The following SLC15A1 variants were observed in gnomAD, a reference collection of about 807,000 sequenced individuals.
SLC15A1 encodes the protein Caco-2 oligopeptide transporter.
SLC15A1 carries 83 observed loss-of-function variants against 92.9 expected under a neutral mutation model. The observed-to-expected ratio is 0.89, with a 90% CI of 0.75 to 1.07. SLC15A1 has a LOEUF of 1.07. Among genes scored for constraint, SLC15A1 ranks in the 50% least tolerant of loss-of-function variants. SLC15A1 has a pLI of 0.00. For synonymous variants in SLC15A1, 322 were observed against 318.2 expected, an observed-to-expected ratio of 1.01 and a Z score of -0.13; for missense variants, 857 against 880.1, an observed-to-expected ratio of 0.97 and a Z score of 0.33.
At chr13:98,691,460 T>C (rs2087976009) in intron 18 of SLC15A1, among the ~76,000 whole-genome samples, 1 of 152,242 alleles carries the variant, frequency 6.6e-6, no homozygotes, top group Non-Finnish European at 1.5e-5. Flanking sequence ...TGAACATGCA[T>C]GCACAAGTTT....
At chr13:98,710,585 G>A (rs1051170295) in intron 11 of SLC15A1, among the ~76,000 whole-genome samples, 1 of 152,004 alleles carries the variant, frequency 6.6e-6, no homozygotes, top group African/African-American at 2.4e-5. Flanking sequence ...GGAGGCCGAG[G>A]CGCGTGGATC....
rs780464938 is a variant in SLC15A1, at chr13:98,712,527, A to C, written c.781T>G (p.Trp261Gly). The change falls in exon 10 of 23, where the codon TGG becomes GGG. Residue 261 changes from tryptophan (W) to glycine (G), a missense_variant. Trp to Gly is a radical substitution (Grantham distance 184). Transcript: ENST00000376503. ...RSKAFPKREH[W>G]LDWAKEKYDE... ...TATTTCTCTTTAGCCCAGTCCAGCCAGTGCTCCCTCTTGGGAAATGCCTTA... is the reference window on the plus strand; with the variant it reads ...TATTTCTCTTTAGCCCAGTCCAGCCCGTGCTCCCTCTTGGGAAATGCCTTA... The C allele has an allele frequency of 3.7e-6, 6 of 1,611,896 alleles. No individual in the cohort carries two copies. In the Admixed American group the frequency reaches 6.7e-5, roughly 18 times the overall value.
chr13:98,709,822 AG>A, intron 12 of SLC15A1, 44 bp downstream of exon 12: 1 of 1,614,202 alleles, frequency 6.2e-7, no homozygotes, highest in East Asian at 2.2e-5. Context: ...ATGAAAGGGA[AG>A]AAGAAAGGGG....
At chr13:98,744,796 C>T (rs530698720) in intron 1 of SLC15A1, among the ~76,000 whole-genome samples, 31 of 149,396 alleles carry the variant, frequency 2.1e-4, no homozygotes, top group African/African-American at 7.4e-4. Flanking sequence ...ATTACTTTTG[C>T]ACCAACCTAA....
chr13:98,691,840 G>A (rs1047923170), intron 18 of SLC15A1, among the ~76,000 whole-genome samples: 1 of 152,066 alleles, frequency 6.6e-6, no homozygotes, highest in Admixed American at 6.6e-5. Flanking sequence ...TTGGGAGGCC[G>A]AGGTGGGCAG....
intron 15 of SLC15A1, 36 bp downstream of exon 15, chr13:98,708,650 C>G: frequency 6.4e-7 from 1 of 1,573,978 alleles, no homozygotes. Flanking sequence ...CTAAATCCAC[C>G]AGGAAAGGAC....
intron 1 of SLC15A1, among the ~76,000 whole-genome samples, chr13:98,737,450 A>C (rs991420611): frequency 6.6e-6 from 1 of 152,202 alleles, no homozygotes; most frequent in East Asian, 1.9e-4. Flanking sequence ...TATGTAACAA[A>C]CCTGCACATT....
intron 18 of SLC15A1, among the ~76,000 whole-genome samples, chr13:98,697,978 A>T (rs530371315): frequency 4.6e-5 from 7 of 152,288 alleles, no homozygotes; most frequent in Admixed American, 1.3e-4. Context: ...GAATAATAGT[A>T]TAATTAGGAA....
At chr13:98,688,192 C>A in intron 20 of SLC15A1, 56 bp downstream of exon 20, 2 of 1,170,778 alleles carry the variant, frequency 1.7e-6, no homozygotes, top group Non-Finnish European at 2.5e-6. Context: ...GTTTGTGAGT[C>A]TTCATATCAA....
chr13:98,706,793 A>T lies in SLC15A1; in HGVS notation c.1150-540T>A, dbSNP rs541147319. Among the ~76,000 whole-genome samples, 11 of 152,272 alleles carry T rather than the reference A, an allele frequency of 7.2e-5. No individual in the cohort carries two copies. In the East Asian group the frequency reaches 2.1e-3, roughly 29 times the overall value. ...TCTTGGGTACGTCTTTATCAGCAGC[A>T]TGAGAATGGACTAATACGTGAACGA... On this transcript the variant is annotated intron_variant, in intron 15 of 22. Coordinates refer to ENST00000376503, the MANE Select transcript of SLC15A1 (RefSeq NM_005073.4).
At chr13:98,692,105 A>G (rs1258423552) in intron 18 of SLC15A1, among the ~76,000 whole-genome samples, 1 of 150,100 alleles carries the variant, frequency 6.7e-6, no homozygotes, top group Admixed American at 6.6e-5. Context: ...GGAAAGCTCT[A>G]ATATGAGGAG....
At chr13:98,688,626 T>TTATTC in intron 18 of SLC15A1, 49 bp from the exon 19 acceptor site, 5 of 1,377,488 alleles carry the variant, frequency 3.6e-6, no homozygotes, top group Non-Finnish European at 5.2e-6. Flanking sequence ...GAATAATATA[T>TTATTC]TCTAGGTCAC....
chr13:98,718,242 A>G (rs1241107208), intron 8 of SLC15A1, among the ~76,000 whole-genome samples: 1 of 150,952 alleles, frequency 6.6e-6, no homozygotes, highest in Non-Finnish European at 1.5e-5. Context: ...ACATGTTGAC[A>G]AGAACAAAAG....
intron 22 of SLC15A1, 131 bp downstream of exon 22, chr13:98,686,059 T>C: frequency 3.0e-6 from 2 of 677,034 alleles, no homozygotes; most frequent in South Asian, 3.5e-5. Flanking sequence ...CAGCCCTGGC[T>C]GGTCTGGCAG....
chr13:98,745,847 G>GT (rs57621890), intron 1 of SLC15A1, among the ~76,000 whole-genome samples: 102,403 of 150,052 alleles, frequency 0.68, 35,234 homozygotes, highest in Non-Finnish European at 0.76. Context: ...ATGTATTTTT[G>GT]TTTTTTTTTT....
intron 1 of SLC15A1, among the ~76,000 whole-genome samples, chr13:98,741,172 A>G (rs1040116247): frequency 8.5e-5 from 13 of 152,182 alleles, no homozygotes; most frequent in Admixed American, 1.3e-4. Context: ...ACTCAATCCA[A>G]TCAGAAAAAG....
chr13:98,712,605 C>A (rs377725178), intron 9 of SLC15A1, 21 bp from the exon 10 acceptor site: 2 of 1,577,462 alleles, frequency 1.3e-6, no homozygotes, highest in South Asian at 1.1e-5. Context: ...GAAGAAAAAT[C>A]GAATTTCAAA....
chr13:98,723,272 T>G (rs1230163991), intron 5 of SLC15A1, among the ~76,000 whole-genome samples: 4 of 152,150 alleles, frequency 2.6e-5, no homozygotes, highest in African/African-American at 9.7e-5. Context: ...GCCAGCAGTG[T>G]GGGGATTGCC....
chr13:98,683,870 T>C lies in SLC15A1; in HGVS notation c.*854A>G, dbSNP rs1277877362. ...TCATTACTGGCCTTCACCTGAGCTGTCTTTCGAGTTATCCATAATTTAAAC... is the reference window on the plus strand; with the variant it reads ...TCATTACTGGCCTTCACCTGAGCTGCCTTTCGAGTTATCCATAATTTAAAC... On this transcript the variant is annotated 3_prime_UTR_variant, in exon 23 of 23. Transcript: ENST00000376503. 1 of 152,226 alleles carries C rather than the reference T, an allele frequency of 6.6e-6. No homozygotes were observed. Among genetic ancestry groups the C allele is most frequent in the Non-Finnish European group, 1.5e-5 (1 of 68,046 alleles). The allele number at this position is 152,226 out of a possible 1,614,324, so 9.4% of individuals were successfully genotyped here.
Sources: gnomAD v4.1 joint callset for allele counts (sites outside exome capture counted in the v4.1 genomes callset) on GRCh38, gnomAD v4.1.1 for gene constraint, MANE v1.5 for transcripts, NCBI Gene and HGNC (gene_info 2026-07-23, HGNC 2026-07-21) for gene names.